The following SNX29 variants were observed in gnomAD, a reference collection of about 807,000 sequenced individuals.
SNX29 encodes sorting nexin 29.
Under a neutral mutation model 102.1 loss-of-function variants are expected in SNX29, and 78 were observed. The observed-to-expected ratio is 0.76, with a 90% confidence interval of 0.64 to 0.92. The LOEUF (loss-of-function observed/expected upper bound fraction) is 0.92, where lower values mean the gene tolerates loss of function less well. SNX29 is among the 40% of genes least tolerant of loss of function. The pLI is 0.00. For synonymous variants in SNX29, 580 were observed against 414.5 expected, an observed-to-expected ratio of 1.40 and a Z score of -4.85; for missense variants, 1,280 against 1,061.7, an observed-to-expected ratio of 1.21 and a Z score of -2.86.
chr16:12,039,883 G>T (rs2057578651), intron 4 of SNX29, among the ~76,000 whole-genome samples: 1 of 152,248 alleles, frequency 6.6e-6, no homozygotes, highest in East Asian at 1.9e-4. Flanking sequence ...CATGGCGATG[G>T]CCTTGGTTGT....
At chr16:12,166,950 G>A (rs530032304) in intron 13 of SNX29, among the ~76,000 whole-genome samples, 1 of 152,204 alleles carries the variant, frequency 6.6e-6, no homozygotes, top group Admixed American at 6.5e-5. Flanking sequence ...TTGGGTTGCT[G>A]CATGGAGCTC....
intron 18 of SNX29, among the ~76,000 whole-genome samples, chr16:12,409,179 C>A (rs1388915817): frequency 6.6e-6 from 1 of 152,104 alleles, no homozygotes; most frequent in Non-Finnish European, 1.5e-5. Context: ...CAGGCACTAG[C>A]CGGAGACAAA....
chr16:12,403,929 TGTCC>T (rs2084061836), intron 18 of SNX29, among the ~76,000 whole-genome samples: 1 of 152,162 alleles, frequency 6.6e-6, no homozygotes, highest in Non-Finnish European at 1.5e-5. Flanking sequence ...TCAGGCCAGC[TGTCC>T]GTGGGTTGAC....
chr16:12,562,511 G>C (rs1193818414), intron 20 of SNX29, among the ~76,000 whole-genome samples: 1 of 152,176 alleles, frequency 6.6e-6, no homozygotes, highest in Non-Finnish European at 1.5e-5. Context: ...AGCAGCCCAA[G>C]TACACCTGCT....
intron 15 of SNX29, among the ~76,000 whole-genome samples, chr16:12,295,663 A>G (rs534767115): frequency 6.6e-6 from 1 of 152,214 alleles, no homozygotes; most frequent in Non-Finnish European, 1.5e-5. Flanking sequence ...AGTGACAAGT[A>G]CTTTAGAAAA....
In SNX29 at chr16:12,271,684, G is replaced by A. The variant is rs137953695; in HGVS notation, c.1679-6249G>A. Among the ~76,000 whole-genome samples, 373 of 151,592 alleles carry A rather than the reference G, an allele frequency of 2.5e-3. 2 individuals are homozygous for A. The highest frequency in any genetic ancestry group is 8.8e-3 in the African/African-American group (363 of 41,292). ...GTTGCTCAGGCTGGAGTGCAGTGGC[G>A]TGATCTCAGCTCACTGCAACCTCCG... On this transcript the variant is annotated intron_variant, in intron 14 of 20. Transcript: ENST00000566228.
chr16:12,495,447 G>A (rs541601919), intron 19 of SNX29, among the ~76,000 whole-genome samples: 8 of 152,212 alleles, frequency 5.3e-5, no homozygotes, highest in East Asian at 3.9e-4. Context: ...CATGCCTGGC[G>A]TCATCTGGAA....
chr16:12,252,644 A>C (rs530152414), intron 14 of SNX29, among the ~76,000 whole-genome samples: 2 of 152,344 alleles, frequency 1.3e-5, no homozygotes, highest in East Asian at 3.9e-4. Flanking sequence ...TGTCTGCACC[A>C]GGTGACCTCC....
At chr16:12,260,971 TGC>T (rs2078730154) in intron 14 of SNX29, among the ~76,000 whole-genome samples, 1 of 98,444 alleles carries the variant, frequency 1.0e-5, no homozygotes, top group African/African-American at 3.9e-5. Context: ...CGGGTCTGTG[TGC>T]GCGCCCCCGG....
At chr16:12,561,003 A>G (rs539680651) in intron 20 of SNX29, 70 of 216,846 alleles carry the variant, frequency 3.2e-4, no homozygotes, top group Non-Finnish European at 4.5e-4. Flanking sequence ...CCATTTCTGG[A>G]TCAGTTGTGG....
chr16:12,544,021 G>A (rs969541729), intron 20 of SNX29, among the ~76,000 whole-genome samples: 7 of 152,194 alleles, frequency 4.6e-5, no homozygotes, highest in Admixed American at 3.9e-4. Flanking sequence ...CTGGACTCTA[G>A]ACCCCGTTGA....
chr16:12,045,014 C>T (rs1207386260), intron 5 of SNX29, among the ~76,000 whole-genome samples: 1 of 152,206 alleles, frequency 6.6e-6, no homozygotes, highest in Non-Finnish European at 1.5e-5. Context: ...GTAAGAATCA[C>T]AGTTGACCTT....
intron 16 of SNX29, among the ~76,000 whole-genome samples, chr16:12,390,779 T>G (rs891532201): frequency 1.3e-5 from 2 of 151,798 alleles, no homozygotes; most frequent in East Asian, 3.9e-4. Flanking sequence ...GTCCCCATTT[T>G]CCAGGAGGGA....
chr16:12,042,974 G>A lies in SNX29; in HGVS notation c.325G>A (p.Ala109Thr), dbSNP rs200498279. 224 of 1,613,876 alleles carry A rather than the reference G, an allele frequency of 1.4e-4. No homozygotes were observed. In the East Asian group the frequency reaches 3.4e-3, roughly 25 times the overall value. ...LQRFYSLRHI[A>T]SDVGRGRAWL... ...GCGCTTCTACTCCCTGCGCCACATC[G>A]CCTCAGACGTGGGCCGGGGTCGCGC... The change falls in exon 5 of 21, where the codon GCC (alanine) becomes ACC (threonine). Residue 109 changes from alanine to threonine, a missense_variant. Coordinates refer to ENST00000566228, the MANE Select transcript of SNX29 (RefSeq NM_032167.5).
At chr16:12,079,499 C>T (rs2051755328) in intron 11 of SNX29, among the ~76,000 whole-genome samples, 1 of 147,986 alleles carries the variant, frequency 6.8e-6, no homozygotes, top group South Asian at 2.1e-4. Context: ...GCAGAGGGGG[C>T]ACTTGTTCCC....
At chr16:12,041,456 G>A (rs1243343835) in intron 4 of SNX29, among the ~76,000 whole-genome samples, 1 of 152,232 alleles carries the variant, frequency 6.6e-6, no homozygotes, top group African/African-American at 2.4e-5. Flanking sequence ...TTAATACACA[G>A]TTGTTGGCTT....
intron 20 of SNX29, among the ~76,000 whole-genome samples, chr16:12,545,757 G>C (rs1049527040): frequency 5.9e-5 from 9 of 152,114 alleles, no homozygotes; most frequent in African/African-American, 1.9e-4. Context: ...ACCTGAGATG[G>C]AGAGGCAGCT....
intron 18 of SNX29, among the ~76,000 whole-genome samples, chr16:12,454,411 C>T (rs966304255): frequency 1.3e-5 from 2 of 152,228 alleles, no homozygotes; most frequent in Admixed American, 6.5e-5. Context: ...AATGCGATTC[C>T]TACCTGATGC....
chr16:12,233,365 C>G (rs1304771597), intron 14 of SNX29, among the ~76,000 whole-genome samples: 1 of 152,106 alleles, frequency 6.6e-6, no homozygotes, highest in African/African-American at 2.4e-5. Flanking sequence ...CATGTTCTGA[C>G]TTATAAGTGG....
Sources: gnomAD v4.1 joint callset for allele counts (sites outside exome capture counted in the v4.1 genomes callset) on GRCh38, gnomAD v4.1.1 for gene constraint, MANE v1.5 for transcripts, NCBI Gene and HGNC (gene_info 2026-07-23, HGNC 2026-07-21) for gene names.